The following LMNB2 variants were observed in gnomAD, a reference collection of about 807,000 sequenced individuals.
LMNB2 encodes the protein lamin B2, also known as lamin-B2.
In LMNB2, 17 loss-of-function variants were observed where a neutral mutation model predicts 69.3. The ratio of observed to expected loss-of-function variants is 0.25; its 90% CI spans 0.17 to 0.37. The LOEUF (loss-of-function observed/expected upper bound fraction) is 0.37, where lower values mean the gene tolerates loss of function less well. Among genes scored for constraint, LMNB2 ranks in the 10% least tolerant of loss-of-function variants. The pLI, the probability that LMNB2 is intolerant of heterozygous loss-of-function variation, is 1.00. For missense variants in LMNB2, 789 were observed against 883.6 expected (o/e 0.89, Z 1.36); for synonymous variants, 397 against 389.3 (o/e 1.02, Z -0.23).
At position 2,453,127 on chromosome 19, in the gene LMNB2, C is replaced by A. The variant is rs1436466295; in HGVS notation, c.264+3543G>T. Among the ~76,000 whole-genome samples, 3 of 152,032 alleles carry A rather than the reference C, an allele frequency of 2.0e-5. No individual in the cohort carries two copies. Among genetic ancestry groups the A allele is most frequent in the Admixed American group, 2.0e-4 (3 of 15,264 alleles). ...CTCGTGGGGGCCAGGTGATTCTCTT[C>A]TCGGGGCGCTGAGCAGTACCCAGCC... On this transcript the variant is annotated intron_variant, in intron 1 of 11. Transcript: ENST00000325327. The surrounding 1 kb of genome is among the most constrained non-coding windows in gnomAD (Gnocchi z 4.4).
intron 4 of LMNB2, chr19:2,436,998 C>T (rs1412337036): frequency 6.6e-6 from 1 of 152,424 alleles, no homozygotes; most frequent in Non-Finnish European, 1.5e-5. Flanking sequence ...TCACAGGTTT[C>T]CCCACAGGCC....
At position 2,434,568 on chromosome 19, in the gene LMNB2, C is replaced by T. The variant is rs1599332010; in HGVS notation, c.982-53G>A. 7 of 1,583,214 alleles carry T rather than the reference C, an allele frequency of 4.4e-6. No individual in the cohort carries two copies. In the East Asian group the frequency reaches 1.4e-4, roughly 31 times the overall value. The stretch of plus-strand genomic sequence containing the variant: ...AGGGCAGCCCATGGGTCACAAGGCC[C>T]AGGTGATCCTGGGACTGCGGGAGAT... On this transcript the variant is annotated intron_variant, in intron 6 of 11. Coordinates refer to ENST00000325327, the MANE Select transcript of LMNB2 (RefSeq NM_032737.4).
chr19:2,452,699 C>T (rs1972038003), intron 1 of LMNB2, among the ~76,000 whole-genome samples: 2 of 152,140 alleles, frequency 1.3e-5, no homozygotes, highest in Non-Finnish European at 2.9e-5. Flanking sequence ...GCACTCCAGC[C>T]TGGGCGACAG....
At chr19:2,445,121 C>T (rs988568395) in intron 1 of LMNB2, among the ~76,000 whole-genome samples, 1 of 152,084 alleles carries the variant, frequency 6.6e-6, no homozygotes, top group African/African-American at 2.4e-5. Context: ...CTGGTGATGA[C>T]AGCAACCCGG....
Position 2,456,840 on chromosome 19 carries a change from G to C in LMNB2, c.94C>G (p.Pro32Ala). 1 of 1,326,342 alleles carries C rather than the reference G, an allele frequency of 7.5e-7. No homozygotes were observed. Among genetic ancestry groups the C allele is most frequent in the Non-Finnish European group, 9.7e-7 (1 of 1,029,814 alleles). 82.2% of individuals were successfully genotyped at this position (1,326,342 alleles called of 1,614,324 possible). ...ATPLPGRAGG[P>A]ATPLSPTRLS... The stretch of plus-strand genomic sequence containing the variant: ...CGCGTGGGCGACAGCGGCGTGGCGG[G>C]CCCGCCCGCGCGGCCGGGCAGCGGC... The change falls in exon 1 of 12, where the codon CCC (proline) becomes GCC (alanine). Residue 32 changes from proline to alanine, a missense_variant. Physicochemically the swap from Pro to Ala is conservative, Grantham distance 27. This residue lies in a region of LMNB2 where 145 missense variants were observed against 228.9 expected (regional missense o/e 0.63). Coordinates refer to ENST00000325327, the MANE Select transcript of LMNB2 (RefSeq NM_032737.4).
At chr19:2,446,333 G>A (rs114917653) in intron 1 of LMNB2, among the ~76,000 whole-genome samples, 2,727 of 151,828 alleles carry the variant, frequency 0.018, 61 homozygotes, top group African/African-American at 0.06. Flanking sequence ...CCTCTGGGCC[G>A]CCCAGCTAAA....
rs745566931 is a variant in LMNB2, at chr19:2,435,146, T to TGCC, written c.707_709dup (p.Arg236dup). On this transcript the variant is annotated inframe_insertion, in exon 5 of 12. Coordinates refer to ENST00000325327, the MANE Select transcript of LMNB2 (RefSeq NM_032737.4). ...GTCCACCTCCACCAGGCGCCGCTCG[T>TGCC]GCCGCCGCCGCGTCTCCCGCACCTC... is the stretch of plus-strand genomic sequence containing the variant. The TGCC allele has an allele frequency of 6.9e-6, 11 of 1,604,264 alleles. No homozygotes were observed. In the South Asian group the frequency reaches 7.7e-5, roughly 11 times the overall value.
intron 9 of LMNB2, 77 bp downstream of exon 9, chr19:2,432,336 CAAG>C: frequency 5.1e-6 from 5 of 988,390 alleles, no homozygotes; most frequent in Admixed American, 1.8e-5. Context: ...CCACCCCCGC[CAAG>C]TCCTGTGCCT....
intron 6 of LMNB2, 72 bp downstream of exon 6, chr19:2,434,716 G>A: frequency 4.5e-6 from 7 of 1,543,986 alleles, no homozygotes; most frequent in Middle Eastern, 2.1e-4. Context: ...AGAGCCCCAC[G>A]CCCCGCACAT....
intron 8 of LMNB2, among the ~76,000 whole-genome samples, 158 bp downstream of exon 8, chr19:2,433,668 C>A (rs1222801270): frequency 1.4e-5 from 1 of 73,720 alleles, no homozygotes; most frequent in Admixed American, 1.2e-4. Context: ...ACCCTGATCA[C>A]CCCCATCAGC....
chr19:2,454,342 A>G (rs890299450), intron 1 of LMNB2, among the ~76,000 whole-genome samples: 3 of 150,810 alleles, frequency 2.0e-5, no homozygotes, highest in African/African-American at 7.3e-5. Context: ...CCCACCAAGC[A>G]CTGATCTTCC....
At chr19:2,434,732 G>A in intron 6 of LMNB2, 56 bp downstream of exon 6, 2 of 1,565,526 alleles carry the variant, frequency 1.3e-6, no homozygotes, top group Non-Finnish European at 1.7e-6. Flanking sequence ...CACATCCAGG[G>A]CAGGGCCCAG....
rs755567798 is a variant in LMNB2, at chr19:2,434,048, G to A, written c.1260C>T (p.Ser420=). 1.3e-5 allele frequency: 20 copies of A among 1,599,696 alleles called. No homozygotes were observed. Among genetic ancestry groups the A allele is most frequent in the Non-Finnish European group, 3.4e-6 (4 of 1,174,678 alleles). The change falls in exon 8 of 12, where the codon AGC becomes AGT. Residue 420 remains serine, a synonymous_variant. Transcript: ENST00000325327. ...SRVTVSRATS[S]SSGSLSATGR... Reference sequence around the variant, plus strand: ...CGGTGGCGGACAAGCTGCCGCTGCTGCTCGAGGTGGCTCGTGAGACGGTGA... The same window carrying A: ...CGGTGGCGGACAAGCTGCCGCTGCTACTCGAGGTGGCTCGTGAGACGGTGA...
In LMNB2 at chr19:2,438,182, C is replaced by T. The variant is rs747514243; in HGVS notation, c.665G>A (p.Arg222Gln). 28 of 1,613,874 alleles carry T rather than the reference C, an allele frequency of 1.7e-5. No individual in the cohort carries two copies. Among genetic ancestry groups the T allele is most frequent in the Admixed American group, 5.0e-5 (3 of 60,012 alleles). ...CQSLQEELDF[R>Q]KSVFEEEVRE... is the part of the protein sequence containing the mutation. ...ACTCACCTCCTCGAACACACTCTTC[C>T]GGAAGTCCAGCTCCTCCTGCAGGCT... Residue 222 changes from arginine to glutamine, a missense_variant, in exon 4 of 12, where the codon CGG becomes CAG. By Grantham distance (43) the Arg-to-Gln change is conservative. Coordinates refer to ENST00000325327, the MANE Select transcript of LMNB2 (RefSeq NM_032737.4).
rs1971924005 is a variant in LMNB2, at chr19:2,443,733, T to C, written c.401+671A>G. 6.6e-6 allele frequency among the ~76,000 whole-genome samples: 1 copy of C among 152,200 alleles called. No individual in the cohort carries two copies. The highest frequency in any genetic ancestry group is 1.5e-5 in the Non-Finnish European group (1 of 68,026). On this transcript the variant is annotated intron_variant, in intron 2 of 11. Coordinates refer to ENST00000325327, the MANE Select transcript of LMNB2 (RefSeq NM_032737.4). This position sits in a 1 kb window ranked among gnomAD's most constrained non-coding sequence, Gnocchi z 6.2. ...GAAAAGCCTTGAGCTCAGTGTTTCA[T>C]TGGCCTCCTGGCTCCTCTGAATAAA...
rs1446274036 is a variant in LMNB2, at chr19:2,435,180, C to G, written c.685-9G>C. 6.2e-7 allele frequency: 1 copy of G among 1,600,152 alleles called. No individual in the cohort carries two copies. Among genetic ancestry groups the G allele is most frequent in the African/African-American group, 1.3e-5 (1 of 75,038 alleles). On this transcript the variant is annotated splice_polypyrimidine_tract_variant and intron_variant, in intron 4 of 11. Transcript: ENST00000325327. ...CGCGTCTCCCGCACCTCCTGCGGAC[C>G]AAGGCTTCGTGACCCTCTGGTCCCG...
intron 10 of LMNB2, 53 bp downstream of exon 10, chr19:2,431,730 C>T: frequency 6.2e-7 from 1 of 1,613,628 alleles, no homozygotes; most frequent in Non-Finnish European, 8.5e-7. Flanking sequence ...CCGAGGGTGC[C>T]CAGACCCTGC....
At chr19:2,455,684 C>T (rs1972078698) in intron 1 of LMNB2, among the ~76,000 whole-genome samples, 1 of 152,134 alleles carries the variant, frequency 6.6e-6, no homozygotes, top group Non-Finnish European at 1.5e-5. Flanking sequence ...CACTCAGTGC[C>T]CTAGAAACCC....
rs1971853217 is a variant in LMNB2, at chr19:2,438,380, C to A, written c.553G>T (p.Ala185Ser). The change falls in exon 3 of 12, where the codon GCC (alanine) becomes TCC (serine). Residue 185 changes from alanine to serine, a missense_variant. Around this residue, in one of 3 missense-constraint regions of LMNB2, gnomAD observed 609 missense variants for 630.9 expected, o/e 0.97. Transcript: ENST00000325327. ...SDVAELRAQLAKAEDGHAVAK... is the reference protein window; with the variant it reads ...SDVAELRAQLSKAEDGHAVAK... ...CCGTGGCTCCTGGCACCTACCTTGG[C>A]CAGCTGGGCCCGCAGCTCAGCCACG... is the stretch of plus-strand genomic sequence containing the variant. 1.2e-6 allele frequency: 2 copies of A among 1,612,892 alleles called. No homozygotes were observed. The highest frequency in any genetic ancestry group is 1.7e-6 in the Non-Finnish European group (2 of 1,179,916).
Sources: gnomAD v4.1 joint callset for allele counts (sites outside exome capture counted in the v4.1 genomes callset) on GRCh38, gnomAD v4.1.1 for gene constraint, gnomAD v4.1.1 regional missense constraint, Gnocchi (gnomAD v3.1) non-coding constraint, MANE v1.5 for transcripts, NCBI Gene and HGNC (gene_info 2026-07-23, HGNC 2026-07-21) for gene names.